COMMD7: variants seen among roughly 807,000 people sequenced by gnomAD.
COMMD7 encodes COMM domain containing 7.
COMMD7 carries 28 observed loss-of-function variants against 34.8 expected under a neutral mutation model. That is an observed-to-expected ratio of 0.80 (90% CI 0.60 to 1.10). COMMD7 has a LOEUF of 1.10. Among genes scored for constraint, COMMD7 ranks in the 50% least tolerant of loss-of-function variants. The probability of loss-of-function intolerance (pLI) is 0.00; values close to 1 mark genes in which losing one functional copy is unlikely to be tolerated. For missense variants in COMMD7, 211 were observed against 241.6 expected, an observed-to-expected ratio of 0.87 and a Z score of 0.84; for synonymous variants, 80 against 86.4, an observed-to-expected ratio of 0.93 and a Z score of 0.41.
rs192686381 is a variant in COMMD7, at chr20:32,712,219, G to A, written c.242-5459C>T. On this transcript the variant is annotated intron_variant, in intron 3 of 8. Coordinates refer to ENST00000278980, the MANE Select transcript of COMMD7 (RefSeq NM_053041.3). ...CGGGAGGCAGAGGTTGCAGTGAGCC[G>A]AGATCGTGCCATTGCACTCCAGCCT... is the stretch of plus-strand genomic sequence containing the variant. 4.0e-3 allele frequency among the ~76,000 whole-genome samples: 518 copies of A among 130,444 alleles called. 11 individuals carry two copies. Among genetic ancestry groups the A allele is most frequent in the Middle Eastern group, 0.017 (3 of 174 alleles). 85.6% of individuals were successfully genotyped at this position (130,444 alleles called of 152,430 possible). A position where few individuals can be genotyped will look rare whatever the true frequency, so the allele number is the denominator to read the frequency against.
chr20:32,729,854 CAA>C (rs76643392), intron 1 of COMMD7, among the ~76,000 whole-genome samples: 56,230 of 150,384 alleles, frequency 0.37, 10,739 homozygotes, highest in South Asian at 0.48. Flanking sequence ...AAACAAAAAA[CAA>C]AAAAAAATTA....
chr20:32,742,395 G>A (rs547666729), intron 1 of COMMD7: 7 of 152,058 alleles, frequency 4.6e-5, no homozygotes, highest in Admixed American at 4.6e-4. Context: ...AAAGAAGAGG[G>A]GCGCTACCTC....
intron 6 of COMMD7, 114 bp downstream of exon 6, chr20:32,704,700 T>G: frequency 2.4e-6 from 2 of 835,136 alleles, no homozygotes; most frequent in Non-Finnish European, 3.9e-6. Flanking sequence ...CAGCAGCTGC[T>G]GCCCCAACAG....
rs761724957 is a variant in COMMD7 at position 32,704,066 on chromosome 20, C to G, written c.483G>C (p.Lys161Asn). 2 of 1,593,990 alleles carry G rather than the reference C, an allele frequency of 1.3e-6. No homozygotes were observed. The highest frequency in any genetic ancestry group is 1.7e-6 in the Non-Finnish European group (2 of 1,169,576). The change falls in exon 8 of 9, where the codon AAG (lysine) becomes AAC (asparagine). Residue 161 changes from lysine to asparagine, a missense_variant. Lys to Asn is a moderately conservative substitution (Grantham distance 94). Transcript: ENST00000278980. ...TTTGATTTCCTTTCTTAACCACCAA[C>G]TTTAGCTGATGAAAGAAAAAGAAAT... Reference protein sequence around the residue: ...EKVGSIFLQLKLVVKKGNQTE... With the variant: ...EKVGSIFLQLNLVVKKGNQTE...
intron 1 of COMMD7, among the ~76,000 whole-genome samples, chr20:32,741,799 A>G (rs974907551): frequency 6.6e-5 from 10 of 152,332 alleles, no homozygotes; most frequent in Non-Finnish European, 8.8e-5. Context: ...GTACAGTCAC[A>G]TGCTGTATAG....
chr20:32,704,690 C>A, intron 6 of COMMD7, 124 bp downstream of exon 6: 1 of 818,728 alleles, frequency 1.2e-6, no homozygotes, highest in Non-Finnish European at 2.0e-6. Flanking sequence ...GAATACAAAA[C>A]AGCAGCTGCT....
chr20:32,716,495 G>A (rs944644375), intron 3 of COMMD7, among the ~76,000 whole-genome samples: 4 of 152,090 alleles, frequency 2.6e-5, no homozygotes, highest in Non-Finnish European at 5.9e-5. Context: ...GGCGCCTGTA[G>A]TCCCAGCTAC....
chr20:32,703,823 A>G (rs28620238), intron 8 of COMMD7, 200 bp downstream of exon 8: 523,266 of 1,538,950 alleles, frequency 0.34, 92,562 homozygotes, highest in Middle Eastern at 0.39. Context: ...CGGCTCTTCA[A>G]CTGTGGGGGC....
At chr20:32,708,801 A>G (rs1984251009) in intron 3 of COMMD7, among the ~76,000 whole-genome samples, 2 of 151,802 alleles carry the variant, frequency 1.3e-5, no homozygotes, top group Non-Finnish European at 2.9e-5. Context: ...CCTCCCACAT[A>G]GCTGGGACTA....
chr20:32,727,534 C>CA (rs11480967), intron 3 of COMMD7, among the ~76,000 whole-genome samples: 24,569 of 83,758 alleles, frequency 0.29, 2,808 homozygotes, highest in East Asian at 0.51. Context: ...GATTCTGTCT[C>CA]AAAAAAAAAA....
At chr20:32,718,402 TAA>T (rs199501627) in intron 3 of COMMD7, among the ~76,000 whole-genome samples, 1 of 143,596 alleles carries the variant, frequency 7.0e-6, no homozygotes, top group African/African-American at 2.6e-5. Flanking sequence ...AAACTCCATC[TAA>T]AAAAAAAAGG....
At chr20:32,703,772 A>G in intron 8 of COMMD7, 1 of 1,493,374 alleles carries the variant, frequency 6.7e-7, no homozygotes, top group Non-Finnish European at 8.9e-7. Flanking sequence ...CTTCTTCTTC[A>G]ATCCCAGCCA....
chr20:32,732,392 G>T (rs1290546476), intron 1 of COMMD7, among the ~76,000 whole-genome samples: 1 of 152,054 alleles, frequency 6.6e-6, no homozygotes, highest in Non-Finnish European at 1.5e-5. Flanking sequence ...CACCCAACCG[G>T]CATCAAATTT....
chr20:32,736,164 G>A (rs940866008), intron 1 of COMMD7, among the ~76,000 whole-genome samples: 2 of 152,076 alleles, frequency 1.3e-5, no homozygotes, highest in Non-Finnish European at 2.9e-5. Flanking sequence ...AGGCATTCAG[G>A]TAAACACCCA....
intron 1 of COMMD7, among the ~76,000 whole-genome samples, chr20:32,738,121 T>G (rs2145788200): frequency 6.6e-6 from 1 of 152,238 alleles, no homozygotes; most frequent in Non-Finnish European, 1.5e-5. Flanking sequence ...CCTGGCTGCC[T>G]GACATTATTT....
At chr20:32,706,849 A>T (rs1230903232) in intron 3 of COMMD7, 89 bp from the exon 4 acceptor site, 1 of 1,033,384 alleles carries the variant, frequency 9.7e-7, no homozygotes, top group Non-Finnish European at 1.5e-6. Context: ...ATGTGACCTA[A>T]AGGACAAAAG....
intron 3 of COMMD7, among the ~76,000 whole-genome samples, chr20:32,720,971 A>C (rs1985117150): frequency 6.6e-6 from 1 of 152,186 alleles, no homozygotes; most frequent in African/African-American, 2.4e-5. Context: ...GGAACTATCT[A>C]TTAGAGCCAT....
intron 3 of COMMD7, among the ~76,000 whole-genome samples, chr20:32,726,646 T>C (rs906954980): frequency 6.6e-6 from 1 of 152,004 alleles, no homozygotes; most frequent in Non-Finnish European, 1.5e-5. Flanking sequence ...GAGGTTGCGG[T>C]GAGCCAAGAC....
chr20:32,730,115 G>A (rs984081843), intron 1 of COMMD7, among the ~76,000 whole-genome samples: 1 of 143,436 alleles, frequency 7.0e-6, no homozygotes, highest in African/African-American at 2.4e-5. Flanking sequence ...ATGGCAGCCT[G>A]AGCTGACTGA....
Sources: gnomAD v4.1 joint callset for allele counts (sites outside exome capture counted in the v4.1 genomes callset) on GRCh38, gnomAD v4.1.1 for gene constraint, MANE v1.5 for transcripts, NCBI Gene and HGNC (gene_info 2026-07-23, HGNC 2026-07-21) for gene names.